The following GRIK1 variants were observed in gnomAD, a reference collection of about 807,000 sequenced individuals.
GRIK1 encodes the protein glutamate receptor ionotropic, kainate 1.
Under a neutral mutation model 105.7 loss-of-function variants are expected in GRIK1, and 69 were observed. The observed-to-expected ratio is 0.65, with a 90% CI of 0.54 to 0.80. GRIK1 has a LOEUF of 0.80. Ranked by LOEUF, GRIK1 falls within the 30% of genes least tolerant of loss-of-function variation. GRIK1 has a pLI of 0.00. For missense variants in GRIK1, 1,109 were observed against 1,167.3 expected, an observed-to-expected ratio of 0.95 and a Z score of 0.73; for synonymous variants, 438 against 431.3, an observed-to-expected ratio of 1.02 and a Z score of -0.19.
At chr21:29,917,755 A>G (rs1344635816) in intron 1 of GRIK1, among the ~76,000 whole-genome samples, 1 of 152,028 alleles carries the variant, frequency 6.6e-6, no homozygotes, top group Non-Finnish European at 1.5e-5. Flanking sequence ...GTATAGTTGA[A>G]ATGTTCTCAA....
chr21:29,879,178 A>G (rs990932605), intron 1 of GRIK1, among the ~76,000 whole-genome samples: 7 of 152,100 alleles, frequency 4.6e-5, no homozygotes, highest in Non-Finnish European at 1.0e-4. Flanking sequence ...TAGAAGACAG[A>G]GGGCTCAGCT....
intron 1 of GRIK1, among the ~76,000 whole-genome samples, chr21:29,768,309 T>C (rs2065726257): frequency 6.6e-6 from 1 of 152,300 alleles, no homozygotes; most frequent in South Asian, 2.1e-4. Context: ...CTGATGCCAA[T>C]GATCTTAGTC....
chr21:29,667,525 CA>C (rs2063084281), intron 4 of GRIK1, among the ~76,000 whole-genome samples: 1 of 152,122 alleles, frequency 6.6e-6, no homozygotes, highest in Non-Finnish European at 1.5e-5. Flanking sequence ...TATAGCTGTA[CA>C]AACTATTTTG....
At chr21:29,775,228 A>C (rs1337640201) in intron 1 of GRIK1, among the ~76,000 whole-genome samples, 4 of 142,838 alleles carry the variant, frequency 2.8e-5, no homozygotes, top group African/African-American at 1.0e-4. Context: ...GTGAGCAGAG[A>C]TTGCGCCACT....
chr21:29,817,144 T>C (rs1328507605), intron 1 of GRIK1, among the ~76,000 whole-genome samples: 1 of 152,026 alleles, frequency 6.6e-6, no homozygotes, highest in Non-Finnish European at 1.5e-5. Context: ...TGGGGACACA[T>C]TGGAAGGGCA....
rs571677045 is a variant in GRIK1, at chr21:29,733,612, C to T, written c.119-39549G>A. Among the ~76,000 whole-genome samples the T allele has an allele frequency of 5.9e-5, 9 of 152,146 alleles. No individual in the cohort carries two copies. In the South Asian group the frequency reaches 1.9e-3, roughly 32 times the overall value. The stretch of plus-strand genomic sequence containing the variant: ...ACTAAAACCTCTTTTAGCTTCAGCA[C>T]TTGACATGGTGCACTTTTAAGTTAA... On this transcript the variant is annotated intron_variant, in intron 1 of 17. Transcript: ENST00000327783.
intron 12 of GRIK1, chr21:29,582,352 G>A (rs556102972): frequency 1.8e-4 from 87 of 470,536 alleles, no homozygotes; most frequent in South Asian, 1.2e-3. Context: ...CCCTGGTTCG[G>A]TAAGTGGTAT....
intron 1 of GRIK1, among the ~76,000 whole-genome samples, chr21:29,815,418 T>C (rs1047607175): frequency 6.6e-6 from 1 of 152,156 alleles, no homozygotes; most frequent in Admixed American, 6.5e-5. Flanking sequence ...TCTGTCACCT[T>C]GTAAGTACTC....
chr21:29,767,011 C>A (rs931099326), intron 1 of GRIK1, among the ~76,000 whole-genome samples: 3 of 152,160 alleles, frequency 2.0e-5, no homozygotes, highest in Non-Finnish European at 4.4e-5. Context: ...TAGGACCCAC[C>A]TTCTCCTAGC....
At chr21:29,793,719 T>C (rs923311483) in intron 1 of GRIK1, among the ~76,000 whole-genome samples, 1 of 152,234 alleles carries the variant, frequency 6.6e-6, no homozygotes, top group African/African-American at 2.4e-5. Flanking sequence ...TTAGCTGAAT[T>C]ATAGAATAAG....
chr21:29,774,643 G>A (rs2065897459), intron 1 of GRIK1, among the ~76,000 whole-genome samples: 1 of 151,840 alleles, frequency 6.6e-6, no homozygotes, highest in Non-Finnish European at 1.5e-5. Flanking sequence ...GTGGAGACAG[G>A]GTTTTACCAT....
At chr21:29,685,202 A>G (rs1348932349) in intron 3 of GRIK1, among the ~76,000 whole-genome samples, 1 of 152,202 alleles carries the variant, frequency 6.6e-6, no homozygotes, top group Non-Finnish European at 1.5e-5. Context: ...AAAACTTTCA[A>G]ACAACGTATT....
chr21:29,581,956 C>T (rs970450246), intron 12 of GRIK1, among the ~76,000 whole-genome samples: 3 of 152,112 alleles, frequency 2.0e-5, no homozygotes, highest in African/African-American at 7.2e-5. Flanking sequence ...GATATTGTGT[C>T]GTTAGGTCCT....
At chr21:29,560,533 T>TTTC (rs1205546444) in intron 15 of GRIK1, among the ~76,000 whole-genome samples, 1 of 96,820 alleles carries the variant, frequency 1.0e-5, no homozygotes, top group Non-Finnish European at 2.0e-5. Flanking sequence ...TCTTTCTTTC[T>TTTC]TTCTTTCTTT....
At chr21:29,789,184 C>T (rs1254277637) in intron 1 of GRIK1, among the ~76,000 whole-genome samples, 1 of 152,198 alleles carries the variant, frequency 6.6e-6, no homozygotes, top group East Asian at 1.9e-4. Flanking sequence ...ACCACCCTTC[C>T]CCATATGACT....
chr21:29,779,126 A>T (rs2066021941), intron 1 of GRIK1, among the ~76,000 whole-genome samples: 1 of 152,216 alleles, frequency 6.6e-6, no homozygotes, highest in South Asian at 2.1e-4. Flanking sequence ...AAAGAAACAG[A>T]AATGTTCTGT....
intron 1 of GRIK1, among the ~76,000 whole-genome samples, chr21:29,718,417 G>A (rs186240450): frequency 5.8e-4 from 89 of 152,176 alleles, no homozygotes; most frequent in East Asian, 2.1e-3. Context: ...ACTCATATGC[G>A]TCTAAAACAC....
At position 29,555,291 on chromosome 21, in the gene GRIK1, G is replaced by C; in HGVS notation, c.2368C>G (p.Arg790Gly). 1.2e-6 allele frequency: 2 copies of C among 1,612,806 alleles called. No individual in the cohort carries two copies. Among genetic ancestry groups the C allele is most frequent in the South Asian group, 1.1e-5 (1 of 91,030 alleles). Residue 790 changes from arginine (R) to glycine (G), a missense_variant, in exon 16 of 18, where the codon CGG becomes GGG. Transcript: ENST00000327783. ...AGAATAGCAATAGTAATTTTATCCCGGTAAGGAGAACCTGGAAGTAAAACC... is the reference window on the plus strand; with the variant it reads ...AGAATAGCAATAGTAATTTTATCCCCGTAAGGAGAACCTGGAAGTAAAACC... ...GVGTPIGSPY[R>G]DKITIAILQL...
intron 1 of GRIK1, among the ~76,000 whole-genome samples, chr21:29,838,239 G>T (rs962962340): frequency 2.0e-5 from 3 of 152,154 alleles, no homozygotes; most frequent in Non-Finnish European, 4.4e-5. Flanking sequence ...AGTGCTGGAA[G>T]TCAAAGTTCT....
Sources: gnomAD v4.1 joint callset for allele counts (sites outside exome capture counted in the v4.1 genomes callset) on GRCh38, gnomAD v4.1.1 for gene constraint, MANE v1.5 for transcripts, NCBI Gene and HGNC (gene_info 2026-07-23, HGNC 2026-07-21) for gene names.